PCNX2: variants seen among roughly 807,000 people sequenced by gnomAD.
The protein encoded by PCNX2 is pecanex-like protein 2.
PCNX2 carries 168 observed loss-of-function variants against 223.8 expected under a neutral mutation model. The observed-to-expected ratio is 0.75, with a 90% confidence interval of 0.66 to 0.85. The LOEUF (loss-of-function observed/expected upper bound fraction) is 0.85. PCNX2 is among the 40% of genes least tolerant of loss of function. The pLI, the probability that PCNX2 is intolerant of heterozygous loss-of-function variation, is 0.00. For missense variants in PCNX2, 2,507 were observed against 2,675.5 expected, an observed-to-expected ratio of 0.94 and a Z score of 1.39; for synonymous variants, 1,006 against 1,052.6, an observed-to-expected ratio of 0.96 and a Z score of 0.86.
chr1:233,177,254 A>G (rs942319050), intron 17 of PCNX2, among the ~76,000 whole-genome samples: 21 of 152,196 alleles, frequency 1.4e-4, no homozygotes, highest in African/African-American at 5.1e-4. Context: ...ATACTGGTCC[A>G]AGCAAGCATT....
At chr1:233,163,085 C>T (rs1025050920) in intron 17 of PCNX2, among the ~76,000 whole-genome samples, 25 of 152,160 alleles carry the variant, frequency 1.6e-4, no homozygotes, top group African/African-American at 6.0e-4. Flanking sequence ...ATTACACAGC[C>T]TTTCTCTATT....
intron 25 of PCNX2, among the ~76,000 whole-genome samples, chr1:233,046,082 T>C (rs1311126079): frequency 2.6e-5 from 4 of 152,244 alleles, no homozygotes; most frequent in East Asian, 3.9e-4. Context: ...CAGGATACTT[T>C]CTTGGTCCAC....
the PCNX2 span, among the ~76,000 whole-genome samples, chr1:233,309,340 AAGACCAGCC>A: frequency 1.3e-5 from 2 of 151,968 alleles, no homozygotes; most frequent in Non-Finnish European, 2.9e-5. Context: ...TCAGGAGTTC[AAGACCAGCC>A]TGATCAACAT....
At position 233,295,373 on chromosome 1, in the gene PCNX2, G is replaced by A; in HGVS notation, c.106C>T (p.Leu36Phe). The A allele has an allele frequency of 6.4e-7, 1 of 1,563,308 alleles. No homozygotes were observed. The highest frequency in any genetic ancestry group is 8.7e-7 in the Non-Finnish European group (1 of 1,153,434). The change falls in exon 1 of 34, where the codon CTC becomes TTC. Residue 36 changes from leucine (L) to phenylalanine (F), a missense_variant. Transcript: ENST00000258229. The surrounding 1 kb of genome is among the most constrained non-coding windows in gnomAD (Gnocchi z 4.1). Reference protein sequence around the residue: ...EQSKFTNSCHLYLWLFLLLLP... With the variant: ...EQSKFTNSCHFYLWLFLLLLP... ...AGCAGGAGGAACAGCCACAGGTAGAGGTGGCAGCTGTTGGTGAACTTGCTC... is the reference window on the plus strand; with the variant it reads ...AGCAGGAGGAACAGCCACAGGTAGAAGTGGCAGCTGTTGGTGAACTTGCTC...
chr1:233,111,173 G>A (rs763059284), intron 21 of PCNX2, among the ~76,000 whole-genome samples: 4 of 152,102 alleles, frequency 2.6e-5, no homozygotes, highest in Non-Finnish European at 4.4e-5. Flanking sequence ...AGTCAGACCC[G>A]GGTTCTGATG....
chr1:232,987,548 A>AAAC (rs1454336380), intron 32 of PCNX2, among the ~76,000 whole-genome samples: 1 of 152,174 alleles, frequency 6.6e-6, no homozygotes, highest in Non-Finnish European at 1.5e-5. Flanking sequence ...AAATAAAGAC[A>AAAC]AACAAGGGGG....
rs373690588 is a variant in PCNX2 at position 233,258,211 on chromosome 1, C to G, written c.1651G>C (p.Asp551His). 6.2e-7 allele frequency: 1 copy of G among 1,613,950 alleles called. No homozygotes were observed. The highest frequency in any genetic ancestry group is 8.5e-7 in the Non-Finnish European group (1 of 1,179,880). ...LSKSSAEIVN[D>H]TEKTMPTSKS... ...GAAGTTGGCATTGTTTTCTCTGTAT[C>G]GTTAACAATTTCTGCAGAACTTTTA... Residue 551 changes from aspartate to histidine, a missense_variant, in exon 5 of 34, where the codon GAT (aspartate) becomes CAT (histidine). By Grantham distance (81) the Asp-to-His change is moderately conservative (BLOSUM62 -1). This residue lies in a region of PCNX2 where 1,031 missense variants were observed against 1,021.7 expected (regional missense o/e 1.01). Transcript: ENST00000258229.
chr1:233,244,369 T>C (rs1658973064), intron 8 of PCNX2, among the ~76,000 whole-genome samples: 1 of 152,184 alleles, frequency 6.6e-6, no homozygotes, highest in Non-Finnish European at 1.5e-5. Context: ...TCCTCTGTTG[T>C]TAGCTTTCAT....
Position 233,295,486 on chromosome 1 carries a change from G to A in PCNX2, c.-8C>T. On this transcript the variant is annotated 5_prime_UTR_variant, in exon 1 of 34. Coordinates refer to ENST00000258229, the MANE Select transcript of PCNX2 (RefSeq NM_014801.4). This position sits in a 1 kb window ranked among gnomAD's most constrained non-coding sequence, Gnocchi z 4.1. ...CAGCACCTGGGACACCATGCCGGCT[G>A]CGCCCCGGGGCTGGTGAGCGCCCCG... is the stretch of plus-strand genomic sequence containing the variant. 2 of 1,545,848 alleles carry A rather than the reference G, an allele frequency of 1.3e-6. No homozygotes were observed. The highest frequency in any genetic ancestry group is 1.7e-6 in the Non-Finnish European group (2 of 1,144,788).
chr1:233,163,650 A>G (rs950280514), intron 17 of PCNX2, among the ~76,000 whole-genome samples: 4 of 151,716 alleles, frequency 2.6e-5, no homozygotes, highest in Admixed American at 2.6e-4. Context: ...TAACTAGCAC[A>G]TCCATTACAC....
In PCNX2 at chr1:232,991,468, G is replaced by A. The variant is rs937595000; in HGVS notation, c.5792-4928C>T. Reference sequence around the variant, plus strand: ...CTCATGGGATGCGCGTGGGTGTTCCGGGCTGAATCATGTTCCCTCCCCAGA... The same window carrying A: ...CTCATGGGATGCGCGTGGGTGTTCCAGGCTGAATCATGTTCCCTCCCCAGA... On this transcript the variant is annotated intron_variant, in intron 32 of 33. Transcript: ENST00000258229. This position sits in a 1 kb window ranked among gnomAD's most constrained non-coding sequence, Gnocchi z 4.3. Among the ~76,000 whole-genome samples, 9 of 152,010 alleles carry A rather than the reference G, an allele frequency of 5.9e-5. No homozygotes were observed. Among genetic ancestry groups the A allele is most frequent in the East Asian group, 5.8e-4 (3 of 5,176 alleles).
chr1:233,022,232 G>A (rs1015533296), intron 26 of PCNX2, among the ~76,000 whole-genome samples: 2 of 152,162 alleles, frequency 1.3e-5, no homozygotes, highest in East Asian at 3.9e-4. Context: ...AGACTGTATG[G>A]CCCAGACTCC....
At chr1:233,115,127 G>A (rs1675332119) in intron 21 of PCNX2, among the ~76,000 whole-genome samples, 1 of 151,920 alleles carries the variant, frequency 6.6e-6, no homozygotes, top group Admixed American at 6.6e-5. Flanking sequence ...TGGGTGTCAG[G>A]GCTTCAGGGA....
intron 17 of PCNX2, chr1:233,167,630 G>T: frequency 1.5e-6 from 1 of 663,778 alleles, no homozygotes; most frequent in Non-Finnish European, 1.9e-6. Context: ...CTTCACTATA[G>T]TAACCATTTT....
At chr1:233,109,857 G>C (rs779885591) in intron 21 of PCNX2, among the ~76,000 whole-genome samples, 2 of 152,212 alleles carry the variant, frequency 1.3e-5, no homozygotes, top group Non-Finnish European at 2.9e-5. Context: ...GCTCACACCT[G>C]TAATCCCAGA....
intron 8 of PCNX2, among the ~76,000 whole-genome samples, chr1:233,246,022 C>A (rs74147313): frequency 6.6e-6 from 1 of 151,954 alleles, no homozygotes; most frequent in Admixed American, 6.5e-5. Flanking sequence ...TGGAAAAAAA[C>A]GGAAAATCCT....
At chr1:233,218,386 C>T (rs557378956) in intron 10 of PCNX2, among the ~76,000 whole-genome samples, 213 of 150,614 alleles carry the variant, frequency 1.4e-3, no homozygotes, top group Admixed American at 3.7e-3. Context: ...GTAGCTGGGA[C>T]TACAGGCACC....
chr1:233,302,645 C>CATATATATATATATATATATAT, the PCNX2 span, among the ~76,000 whole-genome samples: 7 of 147,466 alleles, frequency 4.7e-5, no homozygotes, highest in Non-Finnish European at 9.0e-5. Flanking sequence ...CTCCTTCCAT[C>CATATATATATATATATATATAT]ATATATATAT....
chr1:233,269,923 A>G (rs1660559350), intron 1 of PCNX2, among the ~76,000 whole-genome samples: 2 of 152,242 alleles, frequency 1.3e-5, no homozygotes, highest in Admixed American at 6.5e-5. Context: ...TGAAAACCAC[A>G]GGTTCATCCA....
Sources: gnomAD v4.1 joint callset for allele counts (sites outside exome capture counted in the v4.1 genomes callset) on GRCh38, gnomAD v4.1.1 for gene constraint, gnomAD v4.1.1 regional missense constraint, Gnocchi (gnomAD v3.1) non-coding constraint, MANE v1.5 for transcripts, NCBI Gene and HGNC (gene_info 2026-07-23, HGNC 2026-07-21) for gene names.